SLC12A7: variants seen among roughly 807,000 people sequenced by gnomAD.
The protein encoded by SLC12A7 is K-Cl cotransporter 4.
SLC12A7 carries 100 observed loss-of-function variants against 120.6 expected under a neutral mutation model. That is an observed-to-expected ratio of 0.83 (90% CI 0.71 to 0.98). SLC12A7 has a LOEUF of 0.98. Ranked by LOEUF, SLC12A7 falls within the 50% of genes least tolerant of loss-of-function variation. The pLI is 0.00. For missense variants in SLC12A7, 1,373 were observed against 1,548.1 expected (o/e 0.89, Z 1.90); for synonymous variants, 760 against 678.0 (o/e 1.12, Z -1.88).
At position 1,053,454 on chromosome 5, in the gene SLC12A7, TG is replaced by T. The variant is rs1384815107; in HGVS notation, c.3054del (p.His1018GlnfsTer4). On this transcript the variant is annotated frameshift_variant, in exon 23 of 24. Transcript: ENST00000264930. LOFTEE classifies it high-confidence loss of function. Reference sequence around the variant, plus strand: ...ACGACGCCATTGAGCTTCACAGCCGTGTGCATCCGCCTGACGTTGGACTGGT... The same window carrying T: ...ACGACGCCATTGAGCTTCACAGCCGTTGCATCCGCCTGACGTTGGACTGGT... ...KPDQSNVRRM[H>X]TAVKLNGVVL... 1 of 1,613,818 alleles carries T rather than the reference TG, an allele frequency of 6.2e-7. No individual in the cohort carries two copies. Among genetic ancestry groups the T allele is most frequent in the Non-Finnish European group, 8.5e-7 (1 of 1,180,004 alleles).
intron 22 of SLC12A7, 93 bp downstream of exon 22, chr5:1,057,378 G>C: frequency 7.4e-7 from 1 of 1,342,540 alleles, no homozygotes. Flanking sequence ...TTGCCCCGAA[G>C]CTCTTCAGTG....
At chr5:1,141,136 G>A in the SLC12A7 span, among the ~76,000 whole-genome samples, 18 of 152,214 alleles carry the variant, frequency 1.2e-4, no homozygotes, top group Admixed American at 3.9e-4. Flanking sequence ...GCTGTAGGCG[G>A]GCACCGGTTC....
chr5:1,146,499 C>A, the SLC12A7 span, among the ~76,000 whole-genome samples: 2 of 152,190 alleles, frequency 1.3e-5, no homozygotes, highest in South Asian at 2.1e-4. The surrounding 1 kb of genome is among the most constrained non-coding windows in gnomAD (Gnocchi z 6.5). Flanking sequence ...TCCTCCCCGA[C>A]CGTCTGGATG....
chr5:1,108,935 C>T (rs1015999523), intron 1 of SLC12A7, among the ~76,000 whole-genome samples: 6 of 152,142 alleles, frequency 3.9e-5, no homozygotes, highest in South Asian at 2.1e-4. Context: ...ACAACCGACA[C>T]GAGCTCAGCC....
At chr5:1,065,214 G>T in intron 18 of SLC12A7, 69 bp downstream of exon 18, 8 of 1,157,728 alleles carry the variant, frequency 6.9e-6, no homozygotes, top group Non-Finnish European at 7.4e-6. Flanking sequence ...ACAGGGGACA[G>T]CGAGGGGACA....
the SLC12A7 span, among the ~76,000 whole-genome samples, chr5:1,132,324 A>G: frequency 6.6e-6 from 1 of 152,132 alleles, no homozygotes; most frequent in African/African-American, 2.4e-5. Context: ...TTTCCTGGAA[A>G]ATTCATGAAA....
intron 1 of SLC12A7, among the ~76,000 whole-genome samples, chr5:1,104,096 C>A (rs1191662557): frequency 6.6e-6 from 1 of 152,194 alleles, no homozygotes; most frequent in African/African-American, 2.4e-5. Flanking sequence ...GGAGGGGACC[C>A]AGGAGGGGCC....
At chr5:1,115,974 G>GT (rs1265349616), upstream of SLC12A7, among the ~76,000 whole-genome samples, 1 of 151,236 alleles carries the variant, frequency 6.6e-6, no homozygotes, top group Non-Finnish European at 1.5e-5. Flanking sequence ...TCCTGGCAGG[G>GT]TGGGGTATGT....
rs528322353 is a variant in SLC12A7 at position 1,064,338 on chromosome 5, C to A, written c.2438-86G>T. ...CGGGGACTCACAGCCAGTGCAGGGG[C>A]GGGCACGGCGAGGCGAGGGGGGTCC... On this transcript the variant is annotated intron_variant, in intron 18 of 23. Coordinates refer to ENST00000264930, the MANE Select transcript of SLC12A7 (RefSeq NM_006598.3). The A allele has an allele frequency of 4.9e-5, 72 of 1,464,756 alleles. 1 individual carries two copies. In the South Asian group the frequency reaches 7.9e-4, roughly 16 times the overall value. The allele number at this position is 1,464,756 out of a possible 1,614,324, so 90.7% of individuals were successfully genotyped here.
the SLC12A7 span, among the ~76,000 whole-genome samples, chr5:1,154,460 C>T: frequency 6.6e-6 from 1 of 152,002 alleles, no homozygotes; most frequent in African/African-American, 2.4e-5. Flanking sequence ...GACACACACA[C>T]CTCATATGCC....
chr5:1,068,882 C>T (rs765558850), intron 17 of SLC12A7, among the ~76,000 whole-genome samples: 34 of 152,266 alleles, frequency 2.2e-4, no homozygotes, highest in African/African-American at 3.4e-4. Context: ...TGCGCACAGA[C>T]GCGCCCTCAC....
the SLC12A7 span, among the ~76,000 whole-genome samples, chr5:1,146,866 C>G: frequency 6.6e-6 from 1 of 152,194 alleles, no homozygotes; most frequent in Non-Finnish European, 1.5e-5. This position sits in a 1 kb window ranked among gnomAD's most constrained non-coding sequence, Gnocchi z 6.5. Context: ...GCTGTCCCGC[C>G]TTTCTGGACC....
intron 23 of SLC12A7, among the ~76,000 whole-genome samples, chr5:1,052,652 C>T (rs1333737641): frequency 6.6e-6 from 1 of 152,082 alleles, no homozygotes; most frequent in Non-Finnish European, 1.5e-5. Flanking sequence ...GGCCAGTGCT[C>T]GGGAAAGAGA....
chr5:1,124,691 C>T, the SLC12A7 span, among the ~76,000 whole-genome samples: 1 of 152,164 alleles, frequency 6.6e-6, no homozygotes, highest in Non-Finnish European at 1.5e-5. Flanking sequence ...TCGCAGCAGA[C>T]CTGGACCATC....
the SLC12A7 span, among the ~76,000 whole-genome samples, chr5:1,152,182 C>T: frequency 3.3e-5 from 5 of 152,208 alleles, no homozygotes; most frequent in African/African-American, 7.2e-5. Flanking sequence ...GACCCTCCCA[C>T]AGGACTAGGA....
intron 1 of SLC12A7, among the ~76,000 whole-genome samples, chr5:1,099,186 T>C (rs1329586092): frequency 1.3e-5 from 2 of 151,688 alleles, no homozygotes; most frequent in Non-Finnish European, 2.9e-5. Flanking sequence ...CCAGATCAGG[T>C]CTCCCCAGCC....
At position 1,077,875 on chromosome 5, in the gene SLC12A7, T is replaced by C. The variant is rs1460993799; in HGVS notation, c.1587A>G (p.Leu529=). The C allele has an allele frequency of 3.1e-6, 5 of 1,597,016 alleles. No individual in the cohort carries two copies. In the South Asian group the frequency reaches 3.4e-5, roughly 11 times the overall value. The change falls in exon 12 of 24, where the codon CTA becomes CTG. Residue 529 remains leucine, a synonymous_variant. Coordinates refer to ENST00000264930, the MANE Select transcript of SLC12A7 (RefSeq NM_006598.3). ...TGCCGTCACGGGCAATGGCCTGCAG[T>C]AGGCGCGGTGCCCCCGTGAGGCTCT... ...GLQSLTGAPR[L]LQAIARDGIV... is the part of the protein sequence containing the mutation.
intron 20 of SLC12A7, among the ~76,000 whole-genome samples, chr5:1,060,912 C>T (rs1736115216): frequency 6.6e-6 from 1 of 152,202 alleles, no homozygotes; most frequent in Non-Finnish European, 1.5e-5. Context: ...TGGGTCTCAC[C>T]CATTGCACCC....
At chr5:1,101,402 G>T (rs183754007) in intron 1 of SLC12A7, among the ~76,000 whole-genome samples, 2 of 152,204 alleles carry the variant, frequency 1.3e-5, no homozygotes, top group African/African-American at 2.4e-5. Context: ...CGTCTGGCCA[G>T]CAGGCCCGAC....
Sources: gnomAD v4.1 joint callset for allele counts (sites outside exome capture counted in the v4.1 genomes callset) on GRCh38, gnomAD v4.1.1 for gene constraint, Gnocchi (gnomAD v3.1) non-coding constraint, MANE v1.5 for transcripts, NCBI Gene and HGNC (gene_info 2026-07-23, HGNC 2026-07-21) for gene names.